The following TEX15 variants were observed in gnomAD, a reference collection of about 807,000 sequenced individuals.
TEX15 encodes testis expressed 15, meiosis and synapsis associated.
TEX15 carries 171 observed loss-of-function variants against 237.3 expected under a neutral mutation model. That is an observed-to-expected ratio of 0.72 (90% CI 0.64 to 0.82). The LOEUF (loss-of-function observed/expected upper bound fraction) is 0.82, where lower values mean the gene tolerates loss of function less well. Among genes scored for constraint, TEX15 ranks in the 40% least tolerant of loss-of-function variants. The pLI is 0.00. For missense variants in TEX15, 3,750 were observed against 3,646.5 expected (o/e 1.03, Z -0.73); for synonymous variants, 1,338 against 1,269.8 (o/e 1.05, Z -1.14).
At chr8:30,898,434 GA>G (rs1808947928) in intron 2 of TEX15, among the ~76,000 whole-genome samples, 1 of 152,162 alleles carries the variant, frequency 6.6e-6, no homozygotes, top group African/African-American at 2.4e-5. Context: ...CCCAGACACT[GA>G]ATCTGCCAGC....
intron 3 of TEX15, among the ~76,000 whole-genome samples, chr8:30,881,388 TG>T (rs1481555220): frequency 6.6e-6 from 1 of 152,168 alleles, no homozygotes; most frequent in African/African-American, 2.4e-5. Flanking sequence ...ATTTAATTGT[TG>T]TAAGACTATT....
intron 5 of TEX15, among the ~76,000 whole-genome samples, chr8:30,864,051 GAGCTA>G (rs1464585647): frequency 2.6e-5 from 4 of 151,970 alleles, no homozygotes; most frequent in African/African-American, 9.7e-5. Context: ...GATGCTCAAA[GAGCTA>G]AGTATGTGGA....
At chr8:30,889,788 T>C (rs28580434) in intron 2 of TEX15, among the ~76,000 whole-genome samples, 35,117 of 151,196 alleles carry the variant, frequency 0.23, 6,001 homozygotes, top group African/African-American at 0.47. Flanking sequence ...GTTTTTTTGG[T>C]GTGGGATATT....
At chr8:30,838,717 C>CTT (rs1563228816) in intron 9 of TEX15, among the ~76,000 whole-genome samples, 1 of 105,562 alleles carries the variant, frequency 9.5e-6, no homozygotes, top group East Asian at 3.0e-4. Context: ...CACACACACA[C>CTT]ATATATACAC....
intron 1 of TEX15, among the ~76,000 whole-genome samples, 157 bp downstream of exon 1, chr8:30,912,722 T>C (rs1809258728): frequency 6.6e-6 from 1 of 152,222 alleles, no homozygotes; most frequent in Admixed American, 6.5e-5. Flanking sequence ...AAAAAATTTA[T>C]TATTTTTAAA....
chr8:30,856,750 A>G (rs323354), intron 7 of TEX15, among the ~76,000 whole-genome samples: 70,195 of 152,004 alleles, frequency 0.46, 21,248 homozygotes, highest in African/African-American at 0.86. Context: ...CATGTAAGAT[A>G]TTATAGAGAA....
chr8:30,839,868 CA>C (rs1330724168), intron 9 of TEX15, 37 bp downstream of exon 9: 5 of 1,482,842 alleles, frequency 3.4e-6, no homozygotes, highest in Admixed American at 2.0e-5. Flanking sequence ...CAATTTTGTT[CA>C]ATTTTTTTTC....
intron 2 of TEX15, among the ~76,000 whole-genome samples, chr8:30,891,627 G>A (rs920637214): frequency 6.6e-6 from 1 of 151,914 alleles, no homozygotes; most frequent in African/African-American, 2.4e-5. Flanking sequence ...CTACAGGCAT[G>A]TGCCACCACG....
Position 30,844,961 on chromosome 8 carries a change from A to T in TEX15, c.5206T>A (p.Tyr1736Asn), listed in dbSNP as rs746390777. 1 of 1,613,558 alleles carries T rather than the reference A, an allele frequency of 6.2e-7. No individual in the cohort carries two copies. The highest frequency in any genetic ancestry group is 8.5e-7 in the Non-Finnish European group (1 of 1,179,556). ...TDSEGESSKS[Y>N]LDKQRILTVD... Reference sequence around the variant, plus strand: ...GTAAGAATTCTCTGCTTATCCAAGTAAGATTTTGAAGATTCTCCCTCACTA... The same window carrying T: ...GTAAGAATTCTCTGCTTATCCAAGTTAGATTTTGAAGATTCTCCCTCACTA... The change falls in exon 8 of 11, where the codon TAC becomes AAC. Residue 1736 changes from tyrosine to asparagine, a missense_variant. Coordinates refer to ENST00000643185, the MANE Select transcript of TEX15 (RefSeq NM_001350162.2).
rs747724568 is a variant in TEX15, at chr8:30,847,443, G to A, written c.2724C>T (p.His908=). 8 of 1,610,670 alleles carry A rather than the reference G, an allele frequency of 5.0e-6. No homozygotes were observed. In the African/African-American group the frequency reaches 9.4e-5, roughly 19 times the overall value. ...NIDEKEDKNY[H]NIEILSSEEF... is the part of the protein sequence containing the mutation. ...CTTCAGAACTCAAAATTTCTATATT[G>A]TGGTAATTTTTGTCCTCCTTTTCAT... Residue 908 remains histidine, a synonymous_variant, in exon 8 of 11, where the codon CAC becomes CAT. Transcript: ENST00000643185.
chr8:30,873,706 A>C (rs1808343535), intron 4 of TEX15, among the ~76,000 whole-genome samples: 1 of 152,184 alleles, frequency 6.6e-6, no homozygotes, highest in African/African-American at 2.4e-5. Flanking sequence ...TGCCAGACTC[A>C]GTTTTGCACT....
At position 30,844,553 on chromosome 8, in the gene TEX15, A is replaced by G; in HGVS notation, c.5614T>C (p.Tyr1872His). 11 of 1,612,270 alleles carry G rather than the reference A, an allele frequency of 6.8e-6. No homozygotes were observed. Among genetic ancestry groups the G allele is most frequent in the Non-Finnish European group, 9.3e-6 (11 of 1,179,386 alleles). ...MTEGSTVNTEYKNQKNQISEE... is the reference protein window; with the variant it reads ...MTEGSTVNTEHKNQKNQISEE... ...GAGATCTGATTCTTTTGATTTTTGTACTCAGTATTAACAGTTGATCCTTCA... is the reference window on the plus strand; with the variant it reads ...GAGATCTGATTCTTTTGATTTTTGTGCTCAGTATTAACAGTTGATCCTTCA... The change falls in exon 8 of 11, where the codon TAC becomes CAC. Residue 1872 changes from tyrosine to histidine, a missense_variant. Tyr to His is a moderately conservative substitution (Grantham distance 83). Transcript: ENST00000643185.
intron 2 of TEX15, among the ~76,000 whole-genome samples, chr8:30,888,298 G>A (rs1403483337): frequency 6.6e-6 from 1 of 151,918 alleles, no homozygotes; most frequent in African/African-American, 2.4e-5. Flanking sequence ...AAGATCTCTG[G>A]CTTTAGAAGA....
At chr8:30,895,541 C>T (rs569886211) in intron 2 of TEX15, among the ~76,000 whole-genome samples, 2 of 151,100 alleles carry the variant, frequency 1.3e-5, no homozygotes, top group South Asian at 2.1e-4. Context: ...GCATGAGTAT[C>T]TGGTTAAGTA....
rs745410466 is a variant in TEX15 at position 30,845,611 on chromosome 8, A to G, written c.4556T>C (p.Leu1519Ser). 25 of 1,613,502 alleles carry G rather than the reference A, an allele frequency of 1.5e-5. No homozygotes were observed. The South Asian group carries it at 2.7e-4, about 18-fold the overall frequency. ...FCNQEHPESQ[L>S]PVSSTSQSTS... ...ACTTTGGGATGTGGAGGATACAGGC[A>G]ACTGTGATTCAGGATGTTCTTGATT... is the stretch of plus-strand genomic sequence containing the variant. The change falls in exon 8 of 11, where the codon TTG (leucine) becomes TCG (serine). Residue 1519 changes from leucine to serine, a missense_variant. Leu to Ser is a moderately radical substitution (Grantham distance 145). Coordinates refer to ENST00000643185, the MANE Select transcript of TEX15 (RefSeq NM_001350162.2).
Position 30,842,978 on chromosome 8 carries a change from G to C in TEX15, c.7189C>G (p.His2397Asp). 6.2e-7 allele frequency: 1 copy of C among 1,612,684 alleles called. No individual in the cohort carries two copies. The highest frequency in any genetic ancestry group is 1.1e-5 in the South Asian group (1 of 90,884). ...LQDLTLRCTD[H>D]LEILKKYFQM... Reference sequence around the variant, plus strand: ...AAGTATTTTTTTAAAATTTCTAAGTGATCTGTACATCTCAAGGTGAGATCC... The same window carrying C: ...AAGTATTTTTTTAAAATTTCTAAGTCATCTGTACATCTCAAGGTGAGATCC... Residue 2397 changes from histidine (H) to aspartate (D), a missense_variant, in exon 8 of 11, where the codon CAC (histidine) becomes GAC (aspartate). By Grantham distance (81) the His-to-Asp change is moderately conservative. Coordinates refer to ENST00000643185, the MANE Select transcript of TEX15 (RefSeq NM_001350162.2).
At chr8:30,859,849 G>A (rs1808003508) in intron 6 of TEX15, 62 bp downstream of exon 6, 1 of 1,231,784 alleles carries the variant, frequency 8.1e-7, no homozygotes, top group Non-Finnish European at 1.0e-6. Flanking sequence ...GGGAATTTAA[G>A]TCTTAAAACA....
chr8:30,903,290 C>T (rs1311834444), intron 1 of TEX15, among the ~76,000 whole-genome samples: 2 of 152,200 alleles, frequency 1.3e-5, no homozygotes, highest in Admixed American at 1.3e-4. Context: ...GTTTAAAAGA[C>T]TGTCCCAAGA....
At position 30,848,776 on chromosome 8, in the gene TEX15, T is replaced by G; in HGVS notation, c.1391A>C (p.Asn464Thr). ...TGTCGATTTTATTTCTGAATTAACA[T>G]TATCTGAACTCTTCTCAAATTGCAA... ...EVLQFEKSSD[N>T]VNSEIKSTPS... The change falls in exon 8 of 11, where the codon AAT (asparagine) becomes ACT (threonine). Residue 464 changes from asparagine (N) to threonine (T), a missense_variant. Transcript: ENST00000643185. 4 of 1,614,082 alleles carry G rather than the reference T, an allele frequency of 2.5e-6. No homozygotes were observed. Among genetic ancestry groups the G allele is most frequent in the Non-Finnish European group, 3.4e-6 (4 of 1,180,000 alleles).
Sources: gnomAD v4.1 joint callset for allele counts (sites outside exome capture counted in the v4.1 genomes callset) on GRCh38, gnomAD v4.1.1 for gene constraint, MANE v1.5 for transcripts, NCBI Gene and HGNC (gene_info 2026-07-23, HGNC 2026-07-21) for gene names.